The following PDE4B variants were observed in gnomAD, a reference collection of about 807,000 sequenced individuals.
PDE4B encodes phosphodiesterase 4B.
In PDE4B, 20 loss-of-function variants were observed where a neutral mutation model predicts 82.2. The ratio of observed to expected loss-of-function variants is 0.24; its 90% CI spans 0.17 to 0.35. PDE4B has a LOEUF of 0.35. PDE4B is among the 10% of genes least tolerant of loss of function. The pLI is 1.00. For synonymous variants in PDE4B, 320 were observed against 318.9 expected (o/e 1.00, Z -0.04); for missense variants, 655 against 907.2 (o/e 0.72, Z 3.57).
chr1:65,887,254 T>TTCTTTCTTC (rs1248511002), intron 1 of PDE4B, among the ~76,000 whole-genome samples: 1 of 47,182 alleles, frequency 2.1e-5, no homozygotes, highest in Non-Finnish European at 4.3e-5. Context: ...TTCTTTTCTT[T>TTCTTTCTTC]CTTTCTTTCC....
intron 3 of PDE4B, among the ~76,000 whole-genome samples, chr1:65,948,467 C>G (rs1648826076): frequency 6.6e-6 from 1 of 151,898 alleles, no homozygotes; most frequent in Non-Finnish European, 1.5e-5. Context: ...AAGTATCCAG[C>G]ATGGGAGAAA....
At position 66,247,590 on chromosome 1, in the gene PDE4B, T is replaced by C; in HGVS notation, c.412T>C (p.Ser138Pro). Reference sequence around the variant, plus strand: ...GCGCAGAGAGTCATTTCTCTACAGATCAGACAGCGACTATGACTTGTCACC... The same window carrying C: ...GCGCAGAGAGTCATTTCTCTACAGACCAGACAGCGACTATGACTTGTCACC... ...SQRRESFLYR[S>P]DSDYDLSPKA... is the part of the protein sequence containing the mutation. The change falls in exon 4 of 17, where the codon TCA becomes CCA. Residue 138 changes from serine to proline, a missense_variant. Ser to Pro is a moderately conservative substitution (Grantham distance 74). This residue lies in a region of PDE4B where 253 missense variants were observed against 275.6 expected (regional missense o/e 0.92). Coordinates refer to ENST00000341517, the MANE Select transcript of PDE4B (RefSeq NM_002600.4). The C allele has an allele frequency of 6.2e-7, 1 of 1,610,610 alleles. No homozygotes were observed. Among genetic ancestry groups the C allele is most frequent in the Non-Finnish European group, 8.5e-7 (1 of 1,178,192 alleles).
rs1325255642 is a variant in PDE4B, at chr1:66,042,306, A to T, written c.281+123471A>T. ...AAAGAAAGGAAGCTAGATTACTATG[A>T]CTTAATTTATAATATATTTCAACAT... On this transcript the variant is annotated intron_variant, in intron 3 of 16. Transcript: ENST00000341517. Among the ~76,000 whole-genome samples the T allele has an allele frequency of 2.0e-5, 3 of 151,816 alleles. No individual in the cohort carries two copies. In the East Asian group the frequency reaches 5.8e-4, roughly 29 times the overall value.
intron 1 of PDE4B, among the ~76,000 whole-genome samples, chr1:65,894,173 G>T (rs1646883135): frequency 6.6e-6 from 1 of 152,058 alleles, no homozygotes; most frequent in Non-Finnish European, 1.5e-5. Flanking sequence ...AACAGAGTTA[G>T]AGGATTTACA....
chr1:66,002,392 C>A (rs1167998367), intron 3 of PDE4B, among the ~76,000 whole-genome samples: 15 of 151,804 alleles, frequency 9.9e-5, no homozygotes, highest in Non-Finnish European at 1.9e-4. Flanking sequence ...ATTTGTAGCA[C>A]CGGTTTAAAA....
chr1:65,841,152 G>T (rs1423188580), intron 1 of PDE4B, among the ~76,000 whole-genome samples: 3 of 152,030 alleles, frequency 2.0e-5, no homozygotes, highest in South Asian at 2.1e-4. Context: ...CAAAAAATTA[G>T]CTGGGTGTGG....
intron 6 of PDE4B, among the ~76,000 whole-genome samples, chr1:66,264,768 C>A (rs2101726470): frequency 6.6e-6 from 1 of 152,286 alleles, no homozygotes; most frequent in Non-Finnish European, 1.5e-5. Flanking sequence ...GTGGCCACAC[C>A]AGTAGGAAGA....
At chr1:65,841,557 A>G (rs527763967) in intron 1 of PDE4B, among the ~76,000 whole-genome samples, 2 of 152,210 alleles carry the variant, frequency 1.3e-5, no homozygotes, top group East Asian at 3.9e-4. Flanking sequence ...CGGGTTATGA[A>G]CCAGAAGTCG....
chr1:66,162,639 T>G (rs536511294), intron 3 of PDE4B, among the ~76,000 whole-genome samples: 2,495 of 152,278 alleles, frequency 0.016, 61 homozygotes, highest in African/African-American at 0.057. Flanking sequence ...ATATACTTAC[T>G]TGTTGAGCAT....
At chr1:65,805,267 G>T (rs1013729838) in intron 1 of PDE4B, among the ~76,000 whole-genome samples, 2 of 152,128 alleles carry the variant, frequency 1.3e-5, no homozygotes, top group Non-Finnish European at 2.9e-5. Flanking sequence ...TCCTGGCCAG[G>T]GGCATGTCTC....
intron 8 of PDE4B, among the ~76,000 whole-genome samples, chr1:66,333,600 A>C (rs75560732): frequency 1.9e-3 from 282 of 152,228 alleles, no homozygotes; most frequent in Non-Finnish European, 3.3e-3. Flanking sequence ...CTGAGAAGAT[A>C]TTTTGCTCCA....
chr1:66,092,206 GA>G (rs1389710786), intron 3 of PDE4B, among the ~76,000 whole-genome samples: 1 of 152,030 alleles, frequency 6.6e-6, no homozygotes, highest in Non-Finnish European at 1.5e-5. Context: ...TTTTGAGTTA[GA>G]GTACAGTAAG....
rs976535422 is a variant in PDE4B at position 65,830,560 on chromosome 1, A to G, written c.-71+37312A>G. Reference sequence around the variant, plus strand: ...TTCAACTCTGTGGCCTTCTTCTCCAAAACACCTAGCCACATTTGAATGAGA... The same window carrying G: ...TTCAACTCTGTGGCCTTCTTCTCCAGAACACCTAGCCACATTTGAATGAGA... On this transcript the variant is annotated intron_variant, in intron 1 of 16. Transcript: ENST00000341517. Among the ~76,000 whole-genome samples, 6 of 152,218 alleles carry G rather than the reference A, an allele frequency of 3.9e-5. No individual in the cohort carries two copies. In the South Asian group the frequency reaches 1.2e-3, roughly 32 times the overall value.
chr1:66,300,020 G>A (rs1460964763), intron 7 of PDE4B, among the ~76,000 whole-genome samples: 1 of 152,040 alleles, frequency 6.6e-6, no homozygotes, highest in Non-Finnish European at 1.5e-5. Flanking sequence ...AATGCATATT[G>A]GAAAAATTGG....
At chr1:66,278,780 G>A (rs149493478) in intron 7 of PDE4B, among the ~76,000 whole-genome samples, 2,425 of 151,808 alleles carry the variant, frequency 0.016, 41 homozygotes, top group South Asian at 0.057. Context: ...GTACCTGCCC[G>A]GACAAACAAT....
intron 3 of PDE4B, among the ~76,000 whole-genome samples, chr1:66,128,859 T>G (rs1230978804): frequency 6.6e-6 from 1 of 152,114 alleles, no homozygotes; most frequent in African/African-American, 2.4e-5. Context: ...CCATCAAATC[T>G]CATGAGACTT....
chr1:65,805,336 G>A lies in PDE4B; in HGVS notation c.-71+12088G>A, dbSNP rs75318339. Among the ~76,000 whole-genome samples the A allele has an allele frequency of 3.3e-3, 508 of 152,240 alleles. 1 individual carries two copies. The highest frequency in any genetic ancestry group is 0.012 in the African/African-American group (482 of 41,530). ...CAACTCCATTCTGACAGAGCATGGT[G>A]GAGAAAGAGTGGGTGAATATTATGG... is the stretch of plus-strand genomic sequence containing the variant. On this transcript the variant is annotated intron_variant, in intron 1 of 16. Coordinates refer to ENST00000341517, the MANE Select transcript of PDE4B (RefSeq NM_002600.4).
At chr1:66,093,395 T>C (rs2503231) in intron 3 of PDE4B, among the ~76,000 whole-genome samples, 65,337 of 151,916 alleles carry the variant, frequency 0.43, 15,042 homozygotes, top group Non-Finnish European at 0.5. Flanking sequence ...ATAGAAAGTG[T>C]AAAAAGCATA....
chr1:65,922,267 G>A (rs907061724), intron 3 of PDE4B, among the ~76,000 whole-genome samples: 2 of 152,040 alleles, frequency 1.3e-5, no homozygotes, highest in African/African-American at 2.4e-5. Context: ...TAAAGAAAAG[G>A]TTTGCTATGC....
Sources: allele counts gnomAD v4.1 joint callset (sites outside exome capture counted in the v4.1 genomes callset), GRCh38; gene constraint gnomAD v4.1.1; regional missense constraint gnomAD v4.1.1; transcripts MANE v1.5; gene names NCBI Gene and HGNC (gene_info 2026-07-23, HGNC 2026-07-21).